The following RSF1 variants were observed in gnomAD, a reference collection of about 807,000 sequenced individuals.
RSF1 encodes the protein HBV pX-associated protein 8.
A neutral mutation model predicts 145.2 loss-of-function variants in RSF1; 13 were observed. The observed-to-expected ratio is 0.09, with a 90% confidence interval of 0.06 to 0.14. The LOEUF is 0.14. Among genes scored for constraint, RSF1 ranks in the 10% least tolerant of loss-of-function variants. The probability of loss-of-function intolerance (pLI) is 1.00; values close to 1 mark genes in which losing one functional copy is unlikely to be tolerated. For synonymous variants in RSF1, 577 were observed against 592.6 expected (o/e 0.97, Z 0.38); for missense variants, 1,517 against 1,718.2 (o/e 0.88, Z 2.07).
In RSF1 at chr11:77,701,064, G is replaced by C. The variant is rs757672316; in HGVS notation, c.2165C>G (p.Thr722Arg). 3.1e-6 allele frequency: 5 copies of C among 1,613,586 alleles called. No homozygotes were observed. The Admixed American group carries it at 8.3e-5, about 27-fold the overall frequency. The change falls in exon 6 of 16, where the codon ACA becomes AGA. Residue 722 changes from threonine to arginine, a missense_variant. By Grantham distance (71) the Thr-to-Arg change is moderately conservative (BLOSUM62 -1). Around this residue, in one of 12 missense-constraint regions of RSF1, gnomAD observed 579 missense variants for 553.5 expected, o/e 1.05. Coordinates refer to ENST00000308488, the MANE Select transcript of RSF1 (RefSeq NM_016578.4). ...TTTCTGCCTTTCAGAGGTTATCTCTGTATTTTCTGAGGCAGTGGTTTCTTC... is the reference window on the plus strand; with the variant it reads ...TTTCTGCCTTTCAGAGGTTATCTCTCTATTTTCTGAGGCAGTGGTTTCTTC... The part of the protein sequence containing the change: ...PEEETTASEN[T>R]EITSERQKEG...
At chr11:77,733,825 G>C (rs537335998) in intron 4 of RSF1, among the ~76,000 whole-genome samples, 117 of 152,270 alleles carry the variant, frequency 7.7e-4, no homozygotes, top group South Asian at 1.9e-3. Context: ...GCCTCCCAAA[G>C]TGCTGAGGTT....
chr11:77,848,236 T>C, the RSF1 span, among the ~76,000 whole-genome samples: 183 of 152,370 alleles, frequency 1.2e-3, 1 homozygote, highest in Middle Eastern at 3.4e-3. Context: ...GTTTAAGTTA[T>C]ACTGGAGCAC....
intron 1 of RSF1, among the ~76,000 whole-genome samples, chr11:77,814,910 C>T (rs1470365305): frequency 6.6e-6 from 1 of 152,096 alleles, no homozygotes; most frequent in African/African-American, 2.4e-5. Context: ...AATTTCAGTG[C>T]CTCCTTTCTT....
chr11:77,717,058 G>A (rs944528841), intron 5 of RSF1, among the ~76,000 whole-genome samples: 2 of 151,590 alleles, frequency 1.3e-5, no homozygotes, highest in Non-Finnish European at 2.9e-5. Context: ...TGTGCCTGTA[G>A]GCCCAGCTAC....
At chr11:77,741,067 C>T in intron 3 of RSF1, 131 bp from the exon 4 acceptor site, 1 of 677,468 alleles carries the variant, frequency 1.5e-6, no homozygotes, top group Admixed American at 2.4e-5. Context: ...CCTTCTTTCA[C>T]TATCCTCTTC....
intron 1 of RSF1, among the ~76,000 whole-genome samples, chr11:77,795,956 A>C (rs1006194499): frequency 3.3e-5 from 5 of 152,110 alleles, no homozygotes; most frequent in Non-Finnish European, 7.4e-5. Context: ...TGTGTCCAGG[A>C]ATTTATCCAT....
intron 1 of RSF1, among the ~76,000 whole-genome samples, chr11:77,805,295 CCT>C (rs776436436): frequency 6.6e-6 from 1 of 151,964 alleles, no homozygotes; most frequent in Non-Finnish European, 1.5e-5. Context: ...ATGGTGAAAC[CCT>C]GTCTCTACTA....
intron 1 of RSF1, among the ~76,000 whole-genome samples, chr11:77,818,096 G>A (rs1215689261): frequency 2.0e-5 from 3 of 152,086 alleles, no homozygotes; most frequent in African/African-American, 7.2e-5. Flanking sequence ...AGTCCCCTTA[G>A]CAACTCTATA....
the RSF1 span, chr11:77,832,065 C>T: frequency 2.0e-5 from 3 of 151,636 alleles, no homozygotes; most frequent in East Asian, 5.9e-4. Flanking sequence ...TGACAAACAT[C>T]TTGTGACTTC....
intron 5 of RSF1, among the ~76,000 whole-genome samples, chr11:77,707,872 T>A (rs1189655828): frequency 6.6e-6 from 1 of 152,228 alleles, no homozygotes; most frequent in Non-Finnish European, 1.5e-5. Flanking sequence ...TCATTTTTCA[T>A]GTAATCCTAA....
the RSF1 span, among the ~76,000 whole-genome samples, chr11:77,854,177 A>G: frequency 6.6e-6 from 1 of 151,824 alleles, no homozygotes; most frequent in Admixed American, 6.6e-5. Flanking sequence ...TATTTGTAGT[A>G]GAGACGGGGT....
At chr11:77,859,691 T>C in the RSF1 span, among the ~76,000 whole-genome samples, 1 of 152,180 alleles carries the variant, frequency 6.6e-6, no homozygotes, top group Non-Finnish European at 1.5e-5. Flanking sequence ...AGTATACAAG[T>C]TGAGGTTGGG....
At chr11:77,839,823 G>A in the RSF1 span, among the ~76,000 whole-genome samples, 1 of 152,116 alleles carries the variant, frequency 6.6e-6, no homozygotes, top group African/African-American at 2.4e-5. Flanking sequence ...TTGCTGGTGG[G>A]GGTCAGGGGG....
At chr11:77,713,607 T>C (rs1960739141) in intron 5 of RSF1, among the ~76,000 whole-genome samples, 1 of 152,228 alleles carries the variant, frequency 6.6e-6, no homozygotes, top group Non-Finnish European at 1.5e-5. Context: ...CCCTTGCTTT[T>C]TCTTTTTTGT....
Position 77,672,058 on chromosome 11 carries a change from G to C in RSF1, c.3735C>G (p.Ser1245=), listed in dbSNP as rs1293582854. The change falls in exon 15 of 16, where the codon TCC becomes TCG. Residue 1245 remains serine (S), a synonymous_variant. Coordinates refer to ENST00000308488, the MANE Select transcript of RSF1 (RefSeq NM_016578.4). The part of the protein sequence containing the change: ...EIRRVHKRRL[S]SSESEESYLS... ...ATGCCTTACCTTCACTCTCTGAGCT[G>C]GAAAGTCTTCGCTTGTGTACTCGCC... 1 of 1,611,796 alleles carries C rather than the reference G, an allele frequency of 6.2e-7. No homozygotes were observed. Among genetic ancestry groups the C allele is most frequent in the Non-Finnish European group, 8.5e-7 (1 of 1,179,502 alleles).
At chr11:77,783,914 AAT>A (rs1483961124) in intron 1 of RSF1, among the ~76,000 whole-genome samples, 7 of 152,048 alleles carry the variant, frequency 4.6e-5, no homozygotes, top group South Asian at 2.1e-4. Context: ...CTCTGTATAT[AAT>A]ATGTCTTTTT....
At chr11:77,776,599 T>C (rs1484597158) in intron 1 of RSF1, among the ~76,000 whole-genome samples, 4 of 152,184 alleles carry the variant, frequency 2.6e-5, no homozygotes, top group African/African-American at 9.7e-5. Context: ...ACTTTATATA[T>C]CATAAAGCAA....
intron 8 of RSF1, among the ~76,000 whole-genome samples, chr11:77,692,545 C>G (rs1271143405): frequency 6.6e-6 from 1 of 150,500 alleles, no homozygotes; most frequent in East Asian, 2.0e-4. Flanking sequence ...CGCCCGGCCA[C>G]TACTTTTAAA....
intron 9 of RSF1, among the ~76,000 whole-genome samples, chr11:77,686,408 C>CAAAAAAAAAAAAAAAAAAAAACAA (rs564410248): frequency 2.7e-5 from 1 of 37,132 alleles, no homozygotes; most frequent in Non-Finnish European, 4.7e-5. Flanking sequence ...GACCCTGTCT[C>CAAAAAAAAAAAAAAAAAAAAACAA]AAAAAAAAAA....
Sources: allele counts gnomAD v4.1 joint callset (sites outside exome capture counted in the v4.1 genomes callset), GRCh38; gene constraint gnomAD v4.1.1; regional missense constraint gnomAD v4.1.1; transcripts MANE v1.5; gene names NCBI Gene and HGNC (gene_info 2026-07-23, HGNC 2026-07-21).